KRIT1: variants seen among roughly 807,000 people sequenced by gnomAD.
KRIT1 encodes KRIT1 ankyrin repeat containing.
A neutral mutation model predicts 95.8 loss-of-function variants in KRIT1; 45 were observed. The ratio of observed to expected loss-of-function variants is 0.47; its 90% CI spans 0.37 to 0.60. The LOEUF is 0.60. Among genes scored for constraint, KRIT1 ranks in the 20% least tolerant of loss-of-function variants. The pLI is 0.00. For synonymous variants in KRIT1, 282 were observed against 278.8 expected (o/e 1.01, Z -0.11); for missense variants, 788 against 877.5 (o/e 0.90, Z 1.29).
At chr7:92,211,385 T>C (rs1027206299) in intron 17 of KRIT1, among the ~76,000 whole-genome samples, 5 of 152,202 alleles carry the variant, frequency 3.3e-5, no homozygotes, top group African/African-American at 1.2e-4. Flanking sequence ...TGAATGGAAT[T>C]GGAGGTCATT....
intron 14 of KRIT1, among the ~76,000 whole-genome samples, chr7:92,221,072 ACTT>A (rs1488607487): frequency 1.3e-5 from 2 of 152,210 alleles, no homozygotes; most frequent in Middle Eastern, 3.4e-3. Context: ...GTCTAGACAG[ACTT>A]CTTTTCATCA....
At position 92,213,169 on chromosome 7, in the gene KRIT1, T is replaced by C. The variant is rs183850671; in HGVS notation, c.2025+26A>G. The C allele has an allele frequency of 4.8e-4, 707 of 1,483,928 alleles. 7 individuals are homozygous for C. In the African/African-American group the frequency reaches 7.9e-3, roughly 17 times the overall value. The allele number at this position is 1,483,928 out of a possible 1,614,324, so 91.9% of individuals were successfully genotyped here. Reference sequence around the variant, plus strand: ...TTGTTTTAACTATTATATGACATGATTGGTAAAAAAGAGCTGAAAATCTAC... The same window carrying C: ...TTGTTTTAACTATTATATGACATGACTGGTAAAAAAGAGCTGAAAATCTAC... On this transcript the variant is annotated intron_variant, in intron 17 of 18. Coordinates refer to ENST00000394505, the MANE Select transcript of KRIT1 (RefSeq NM_194454.3).
At position 92,200,178 on chromosome 7, in the gene KRIT1, CTAA is replaced by C. The variant is rs1170931331; in HGVS notation, c.*555_*557del. The C allele has an allele frequency of 6.5e-6, 1 of 152,962 alleles. No homozygotes were observed. The highest frequency in any genetic ancestry group is 1.5e-5 in the Non-Finnish European group (1 of 68,402). 9.5% of individuals were successfully genotyped at this position (152,962 alleles called of 1,614,324 possible). The stretch of plus-strand genomic sequence containing the variant: ...CTTTTTATAAAGCTTACTATTTTGT[CTAA>C]TATTATACAGACTATCAATCTATAA... On this transcript the variant is annotated 3_prime_UTR_variant, in exon 19 of 19. Coordinates refer to ENST00000394505, the MANE Select transcript of KRIT1 (RefSeq NM_194454.3).
Position 92,239,886 on chromosome 7 carries a change from T to G in KRIT1, c.262+1107A>C, listed in dbSNP as rs932107674. ...CCACCACACCGGGCTAATTTTTGTATTTTTGGTAGAGATGGGGTTTCACCA... is the reference window on the plus strand; with the variant it reads ...CCACCACACCGGGCTAATTTTTGTAGTTTTGGTAGAGATGGGGTTTCACCA... On this transcript the variant is annotated intron_variant, in intron 5 of 18. Coordinates refer to ENST00000394505, the MANE Select transcript of KRIT1 (RefSeq NM_194454.3). Among the ~76,000 whole-genome samples, 6 of 151,992 alleles carry G rather than the reference T, an allele frequency of 3.9e-5. No homozygotes were observed. In the East Asian group the frequency reaches 7.7e-4, roughly 20 times the overall value.
intron 17 of KRIT1, among the ~76,000 whole-genome samples, chr7:92,208,017 C>G (rs1161522916): frequency 6.6e-6 from 1 of 152,084 alleles, no homozygotes; most frequent in Non-Finnish European, 1.5e-5. Context: ...CTTCTCAGAT[C>G]ACAATGAAAT....
Position 92,200,302 on chromosome 7 carries a change from A to G in KRIT1, c.*434T>C. 5.0e-6 allele frequency: 1 copy of G among 199,546 alleles called. No homozygotes were observed. The highest frequency in any genetic ancestry group is 1.0e-5 in the Non-Finnish European group (1 of 96,022). 12.4% of individuals were successfully genotyped at this position (199,546 alleles called of 1,614,324 possible). On this transcript the variant is annotated 3_prime_UTR_variant, in exon 19 of 19. Transcript: ENST00000394505. ...CACCAAACATAAGTACAGATTCTGT[A>G]CAATGTAATAGTATACATATATATT... is the stretch of plus-strand genomic sequence containing the variant.
At chr7:92,226,968 A>G (rs542172218) in intron 10 of KRIT1, among the ~76,000 whole-genome samples, 1 of 152,334 alleles carries the variant, frequency 6.6e-6, no homozygotes, top group East Asian at 1.9e-4. Context: ...GAAACATCCC[A>G]TGTGTACTAC....
At position 92,222,805 on chromosome 7, in the gene KRIT1, A is replaced by G; in HGVS notation, c.1411+17T>C. The stretch of plus-strand genomic sequence containing the variant: ...GGAATAATGAGGTTTACTATAACAT[A>G]ATAAAAACTTTCTTACTGAGGTTTT... On this transcript the variant is annotated intron_variant, in intron 13 of 18. Coordinates refer to ENST00000394505, the MANE Select transcript of KRIT1 (RefSeq NM_194454.3). 1 of 1,513,960 alleles carries G rather than the reference A, an allele frequency of 6.6e-7. No homozygotes were observed. The highest frequency in any genetic ancestry group is 9.2e-7 in the Non-Finnish European group (1 of 1,089,632). The allele number at this position is 1,513,960 out of a possible 1,614,324, so 93.8% of individuals were successfully genotyped here. A position where few individuals can be genotyped will look rare whatever the true frequency, so the allele number is the denominator to read the frequency against.
At chr7:92,223,927 C>CAATAT (rs1255842937) in intron 12 of KRIT1, among the ~76,000 whole-genome samples, 4 of 152,172 alleles carry the variant, frequency 2.6e-5, no homozygotes, top group Non-Finnish European at 5.9e-5. Flanking sequence ...CTACCTTATT[C>CAATAT]ATTCACAATA....
chr7:92,242,427 A>G (rs1799887790), intron 3 of KRIT1, among the ~76,000 whole-genome samples: 1 of 152,290 alleles, frequency 6.6e-6, no homozygotes, highest in Admixed American at 6.5e-5. Flanking sequence ...ATACATTTTC[A>G]TAGGTGTTAA....
At chr7:92,230,960 G>C (rs1054067562) in intron 10 of KRIT1, among the ~76,000 whole-genome samples, 2 of 152,138 alleles carry the variant, frequency 1.3e-5, no homozygotes, top group Non-Finnish European at 2.9e-5. Flanking sequence ...AAAGAGTACA[G>C]ATAGCTAATA....
At chr7:92,221,191 T>G (rs1486961072) in intron 14 of KRIT1, among the ~76,000 whole-genome samples, 10 of 152,146 alleles carry the variant, frequency 6.6e-5, no homozygotes, top group Non-Finnish European at 7.3e-5. Flanking sequence ...ATCCCAGCCC[T>G]TTGGGAGGCC....
At chr7:92,237,636 T>C (rs1563312662) in intron 6 of KRIT1, 31 bp downstream of exon 6, 3 of 1,291,336 alleles carry the variant, frequency 2.3e-6, no homozygotes, top group Non-Finnish European at 3.4e-6. Flanking sequence ...CTAAAGTATA[T>C]AAAGATTTGT....
chr7:92,244,701 G>GTA (rs1466851347), intron 2 of KRIT1, among the ~76,000 whole-genome samples: 2 of 152,162 alleles, frequency 1.3e-5, no homozygotes, highest in Non-Finnish European at 2.9e-5. Flanking sequence ...TACAAGAAAG[G>GTA]TATAACTAGA....
chr7:92,202,511 C>T (rs1790416271), intron 17 of KRIT1, among the ~76,000 whole-genome samples: 1 of 152,140 alleles, frequency 6.6e-6, no homozygotes, highest in East Asian at 1.9e-4. Context: ...AGAAAGTGTT[C>T]ATGGCATTTT....
Position 92,213,350 on chromosome 7 carries a change from T to C in KRIT1, c.1870A>G (p.Met624Val). 2.5e-6 allele frequency: 4 copies of C among 1,613,716 alleles called. No homozygotes were observed. Among genetic ancestry groups the C allele is most frequent in the Non-Finnish European group, 3.4e-6 (4 of 1,179,698 alleles). The change falls in exon 17 of 19, where the codon ATG becomes GTG. Residue 624 changes from methionine to valine, a missense_variant. Met to Val is a conservative substitution (Grantham distance 21). Transcript: ENST00000394505. ...ATTTCCCAGCAATTCTGTAAGAACA[T>C]GCGCTGAAGGTGATGCATTTCTTTA... ...VSKEMHHLQRMFLQNCWEIPT... is the reference protein window; with the variant it reads ...VSKEMHHLQRVFLQNCWEIPT...
rs766927131 is a variant in KRIT1 at position 92,213,360 on chromosome 7, G to A, written c.1860C>T (p.His620=). 5 of 1,613,364 alleles carry A rather than the reference G, an allele frequency of 3.1e-6. No homozygotes were observed. The highest frequency in any genetic ancestry group is 4.2e-6 in the Non-Finnish European group (5 of 1,179,468). ...AATTCTGTAAGAACATGCGCTGAAG[G>A]TGATGCATTTCTTTACTGACACCTT... ...TSEGVSKEMH[H]LQRMFLQNCW... is the part of the protein sequence containing the mutation. The change falls in exon 17 of 19, where the codon CAC becomes CAT. Residue 620 remains histidine (H), a synonymous_variant. Transcript: ENST00000394505.
Position 92,225,775 on chromosome 7 carries a change from T to G in KRIT1, c.1199A>C (p.Lys400Thr). The G allele has an allele frequency of 6.2e-7, 1 of 1,611,786 alleles. No homozygotes were observed. The highest frequency in any genetic ancestry group is 2.2e-5 in the East Asian group (1 of 44,844). The part of the protein sequence containing the change: ...RSPLNICEEN[K>T]QNNWEEAAKL... Reference sequence around the variant, plus strand: ...TGCAGCTTCTTCCCAGTTGTTTTGTTTGTTTTCTTCACAAATATTTAATGG... The same window carrying G: ...TGCAGCTTCTTCCCAGTTGTTTTGTGTGTTTTCTTCACAAATATTTAATGG... The change falls in exon 12 of 19, where the codon AAA becomes ACA. Residue 400 changes from lysine to threonine, a missense_variant. By Grantham distance (78) the Lys-to-Thr change is moderately conservative. This residue lies in a region of KRIT1 where 493 missense variants were observed against 582.3 expected (regional missense o/e 0.85). Transcript: ENST00000394505.
intron 12 of KRIT1, 46 bp from the exon 13 acceptor site, chr7:92,223,024 T>G (rs372325390): frequency 2.5e-6 from 3 of 1,224,136 alleles, no homozygotes; most frequent in Non-Finnish European, 3.6e-6. Flanking sequence ...AAATTATACA[T>G]CACAATCTAA....
Sources: allele counts gnomAD v4.1 joint callset (sites outside exome capture counted in the v4.1 genomes callset), GRCh38; gene constraint gnomAD v4.1.1; regional missense constraint gnomAD v4.1.1; transcripts MANE v1.5; gene names NCBI Gene and HGNC (gene_info 2026-07-23, HGNC 2026-07-21).